Variants in SLC25A21 observed in about 807,000 individuals in gnomAD.
SLC25A21 encodes the protein solute carrier family 25 member 21.
A neutral mutation model predicts 43.8 loss-of-function variants in SLC25A21; 47 were observed. That is an observed-to-expected ratio of 1.07 (90% CI 0.85 to 1.37). The LOEUF (loss-of-function observed/expected upper bound fraction) is 1.37, where lower values mean the gene tolerates loss of function less well. Ranked by LOEUF, SLC25A21 falls within the 40% of genes most tolerant of loss-of-function variation. SLC25A21 has a pLI of 0.00. For missense variants in SLC25A21, 352 were observed against 350.2 expected, an observed-to-expected ratio of 1.00 and a Z score of -0.04; for synonymous variants, 131 against 121.3, an observed-to-expected ratio of 1.08 and a Z score of -0.52.
chr14:36,957,672 T>C (rs1959375800), intron 1 of SLC25A21, among the ~76,000 whole-genome samples: 1 of 152,198 alleles, frequency 6.6e-6, no homozygotes, highest in African/African-American at 2.4e-5. Context: ...ATTTGACTGA[T>C]GAGGATTTCA....
chr14:36,975,469 C>T (rs1015285171), intron 1 of SLC25A21, among the ~76,000 whole-genome samples: 2 of 152,074 alleles, frequency 1.3e-5, no homozygotes, highest in South Asian at 2.1e-4. Flanking sequence ...GCTACTACTC[C>T]GTCTAGAAAA....
At chr14:36,695,271 T>C (rs1276578631) in intron 7 of SLC25A21, among the ~76,000 whole-genome samples, 1 of 152,198 alleles carries the variant, frequency 6.6e-6, no homozygotes, top group East Asian at 1.9e-4. Flanking sequence ...TTGGTCTATA[T>C]CTCTGTTTTG....
intron 3 of SLC25A21, among the ~76,000 whole-genome samples, chr14:36,767,686 C>T (rs1171580399): frequency 1.3e-5 from 2 of 152,210 alleles, no homozygotes; most frequent in East Asian, 3.9e-4. Context: ...CTCTTTTCCT[C>T]CCAATCCATT....
chr14:36,897,302 C>G (rs963221284), intron 1 of SLC25A21, among the ~76,000 whole-genome samples: 32 of 152,202 alleles, frequency 2.1e-4, no homozygotes, highest in African/African-American at 7.7e-4. Context: ...TCTTCCATCA[C>G]TGATACCCTT....
At chr14:36,890,410 T>C (rs1298696243) in intron 1 of SLC25A21, among the ~76,000 whole-genome samples, 1 of 152,036 alleles carries the variant, frequency 6.6e-6, no homozygotes, top group African/African-American at 2.4e-5. Context: ...GGCCAAGGAC[T>C]TAGGCTTGCA....
chr14:36,892,637 T>G (rs2081230294), intron 1 of SLC25A21, among the ~76,000 whole-genome samples: 1 of 152,078 alleles, frequency 6.6e-6, no homozygotes, highest in Admixed American at 6.5e-5. Flanking sequence ...CATGTTGGTG[T>G]GCTGCACCCA....
intron 2 of SLC25A21, among the ~76,000 whole-genome samples, chr14:36,865,031 C>CTT (rs987569466): frequency 6.9e-6 from 1 of 145,376 alleles, no homozygotes; most frequent in African/African-American, 2.5e-5. Flanking sequence ...TTCTTTCTTT[C>CTT]TTTTTTTTTT....
chr14:36,940,263 CTT>C (rs1003879289), intron 1 of SLC25A21, among the ~76,000 whole-genome samples: 1 of 151,952 alleles, frequency 6.6e-6, no homozygotes, highest in African/African-American at 2.4e-5. Context: ...ACCACTGATT[CTT>C]TTTCATTCAT....
chr14:36,766,874 GAT>G (rs1460363237), intron 3 of SLC25A21, among the ~76,000 whole-genome samples: 1 of 152,162 alleles, frequency 6.6e-6, no homozygotes, highest in Non-Finnish European at 1.5e-5. Context: ...GATTACATGA[GAT>G]AATGCGCATA....
chr14:37,048,397 A>T (rs1961633591), intron 1 of SLC25A21, among the ~76,000 whole-genome samples: 1 of 152,106 alleles, frequency 6.6e-6, no homozygotes, highest in East Asian at 1.9e-4. Flanking sequence ...ATCTCAATCA[A>T]CTGTTTCCTA....
intron 1 of SLC25A21, among the ~76,000 whole-genome samples, chr14:37,035,148 C>T (rs1264495082): frequency 6.6e-6 from 1 of 152,184 alleles, no homozygotes; most frequent in African/African-American, 2.4e-5. Context: ...GCAGTCAGGG[C>T]ACTTGCTAAA....
chr14:37,147,848 T>TC (rs1349570786), intron 1 of SLC25A21, among the ~76,000 whole-genome samples: 1 of 144,830 alleles, frequency 6.9e-6, no homozygotes, highest in East Asian at 2.0e-4. Context: ...TCTTTTCTTT[T>TC]TTTTTTTTTT....
chr14:37,099,694 C>T (rs992052249), intron 1 of SLC25A21, among the ~76,000 whole-genome samples: 1 of 152,044 alleles, frequency 6.6e-6, no homozygotes, highest in Non-Finnish European at 1.5e-5. Flanking sequence ...ATTTGCTGTG[C>T]ACCAACAATG....
intron 3 of SLC25A21, among the ~76,000 whole-genome samples, chr14:36,790,733 T>A (rs918294710): frequency 6.6e-6 from 1 of 152,158 alleles, no homozygotes; most frequent in African/African-American, 2.4e-5. Flanking sequence ...GATGAAAGGT[T>A]AGCTGGCACA....
intron 1 of SLC25A21, among the ~76,000 whole-genome samples, chr14:36,941,637 T>C (rs1892560116): frequency 1.3e-5 from 2 of 151,772 alleles, no homozygotes. Context: ...GTTTAGAATA[T>C]ATAAAATTAA....
Position 37,172,271 on chromosome 14 carries a change from C to T in SLC25A21, c.70+10G>A. On this transcript the variant is annotated intron_variant, in intron 1 of 9. Coordinates refer to ENST00000331299, the MANE Select transcript of SLC25A21 (RefSeq NM_030631.4). Reference sequence around the variant, plus strand: ...CTAGCCTCCGGCGGGGCAGGGCGGGCTGTCCTTACCTGCAGAACCACCGGC... The same window carrying T: ...CTAGCCTCCGGCGGGGCAGGGCGGGTTGTCCTTACCTGCAGAACCACCGGC... The T allele has an allele frequency of 6.3e-7, 1 of 1,587,052 alleles. No homozygotes were observed. Among genetic ancestry groups the T allele is most frequent in the Non-Finnish European group, 8.6e-7 (1 of 1,166,640 alleles).
intron 1 of SLC25A21, among the ~76,000 whole-genome samples, chr14:36,939,878 C>G (rs75343975): frequency 2.0e-5 from 3 of 152,088 alleles, no homozygotes; most frequent in Admixed American, 1.3e-4. Context: ...CGAATGTGAA[C>G]TCACAGAAAT....
intron 1 of SLC25A21, among the ~76,000 whole-genome samples, chr14:36,919,814 A>G (rs1488538003): frequency 6.6e-6 from 1 of 152,066 alleles, no homozygotes; most frequent in East Asian, 1.9e-4. Context: ...TCCTTACTAA[A>G]GACCACAGAC....
intron 3 of SLC25A21, among the ~76,000 whole-genome samples, chr14:36,741,318 A>T (rs984238041): frequency 6.6e-6 from 1 of 152,214 alleles, no homozygotes; most frequent in Non-Finnish European, 1.5e-5. Context: ...AGTGAGAAAG[A>T]AAAACAGTGT....
Sources: allele counts gnomAD v4.1 joint callset (sites outside exome capture counted in the v4.1 genomes callset), GRCh38; gene constraint gnomAD v4.1.1; transcripts MANE v1.5; gene names NCBI Gene and HGNC (gene_info 2026-07-23, HGNC 2026-07-21).